The following BMS1 variants were observed in gnomAD, a reference collection of about 807,000 sequenced individuals.
The protein encoded by BMS1 is ribosome biogenesis protein BMS1 homolog.
Under a neutral mutation model 138.7 loss-of-function variants are expected in BMS1, and 53 were observed. The ratio of observed to expected loss-of-function variants is 0.38; its 90% confidence interval spans 0.31 to 0.48. The LOEUF is 0.48. BMS1 is among the 20% of genes least tolerant of loss of function. The pLI is 0.97. For synonymous variants in BMS1, 504 were observed against 539.9 expected (o/e 0.93, Z 0.92); for missense variants, 1,360 against 1,565.5 (o/e 0.87, Z 2.22).
At chr10:42,792,371 CATTTTCTAG>C in intron 6 of BMS1, 113 bp from the exon 7 acceptor site, 1 of 1,363,014 alleles carries the variant, frequency 7.3e-7, no homozygotes, top group Middle Eastern at 2.8e-4. Context: ...CTTATTTCTG[CATTTTCTAG>C]TTTTCTAAAT....
intron 13 of BMS1, among the ~76,000 whole-genome samples, chr10:42,808,745 T>C (rs1842084876): frequency 6.6e-6 from 1 of 152,240 alleles, no homozygotes; most frequent in African/African-American, 2.4e-5. Context: ...TGCAATTGTA[T>C]AATTTTTCTA....
At chr10:42,808,379 A>G in intron 13 of BMS1, among the ~76,000 whole-genome samples, 1 of 151,416 alleles carries the variant, frequency 6.6e-6, no homozygotes, top group East Asian at 1.9e-4. Flanking sequence ...ACTCACTGCA[A>G]GCTCTGTCCC....
At chr10:42,830,476 C>G (rs567754844) in intron 22 of BMS1, 54 bp downstream of exon 22, 5 of 1,549,132 alleles carry the variant, frequency 3.2e-6, no homozygotes, top group Non-Finnish European at 4.3e-6. Context: ...AAAGAACACT[C>G]TCAATAGCAC....
Position 42,820,662 on chromosome 10 carries a change from A to G in BMS1, c.2924A>G (p.His975Arg), listed in dbSNP as rs777782633. The change falls in exon 17 of 23, where the codon CAC becomes CGC. Residue 975 changes from histidine to arginine, a missense_variant. Around this residue, in one of 3 missense-constraint regions of BMS1, gnomAD observed 425 missense variants for 568.3 expected, o/e 0.75. Coordinates refer to ENST00000374518, the MANE Select transcript of BMS1 (RefSeq NM_014753.4). The stretch of plus-strand genomic sequence containing the variant: ...AGGCTTCTAAAGTATACCCCACAGC[A>G]CATGCATTGCGGAGCAGCCTTTTGG... Reference protein sequence around the residue: ...RQRLLKYTPQHMHCGAAFWGP... With the variant: ...RQRLLKYTPQRMHCGAAFWGP... 71 of 1,611,896 alleles carry G rather than the reference A, an allele frequency of 4.4e-5. No homozygotes were observed. The highest frequency in any genetic ancestry group is 5.3e-5 in the Non-Finnish European group (63 of 1,179,838).
intron 13 of BMS1, among the ~76,000 whole-genome samples, chr10:42,811,267 T>A (rs1842168151): frequency 6.6e-6 from 1 of 152,008 alleles, no homozygotes; most frequent in Non-Finnish European, 1.5e-5. Context: ...GTTCTCAAGC[T>A]CCCAACCTCA....
In BMS1 at chr10:42,790,460, G is replaced by A. The variant is rs2132302018; in HGVS notation, c.585G>A (p.Leu195=). ...ACTCCTTCAAGCATAATAAGCAACTGAAGAAGACAAAGAAGCGATTAAAAC... is the reference window on the plus strand; with the variant it reads ...ACTCCTTCAAGCATAATAAGCAACTAAAGAAGACAAAGAAGCGATTAAAAC... ...HLDSFKHNKQ[L]KKTKKRLKHR... is the part of the protein sequence containing the mutation. The change falls in exon 5 of 23, where the codon CTG becomes CTA. Residue 195 remains leucine (L), a synonymous_variant. Transcript: ENST00000374518. 6.2e-7 allele frequency: 1 copy of A among 1,613,968 alleles called. No individual in the cohort carries two copies. Among genetic ancestry groups the A allele is most frequent in the East Asian group, 2.2e-5 (1 of 44,886 alleles).
chr10:42,797,583 G>A, intron 11 of BMS1, 60 bp downstream of exon 11: 8 of 1,524,104 alleles, frequency 5.2e-6, no homozygotes, highest in East Asian at 2.3e-5. Context: ...TTAGATGAGG[G>A]AATTGGTTGG....
At chr10:42,805,485 A>G (rs1033415195) in intron 13 of BMS1, among the ~76,000 whole-genome samples, 5 of 152,146 alleles carry the variant, frequency 3.3e-5, no homozygotes, top group African/African-American at 9.7e-5. Flanking sequence ...TTGCATTTTC[A>G]TATAAATTTT....
chr10:42,816,868 G>A (rs1284324772), intron 14 of BMS1, among the ~76,000 whole-genome samples, 196 bp downstream of exon 14: 2 of 152,154 alleles, frequency 1.3e-5, no homozygotes, highest in African/African-American at 2.4e-5. Context: ...AGTTACTACC[G>A]TTTCTTGCCA....
intron 21 of BMS1, among the ~76,000 whole-genome samples, chr10:42,829,289 C>A (rs542515218): frequency 1.3e-5 from 2 of 151,742 alleles, no homozygotes; most frequent in African/African-American, 4.8e-5. Context: ...CTAGCCTGGG[C>A]GACAGAGCGA....
chr10:42,802,632 T>C lies in BMS1; in HGVS notation c.2329+414T>C, dbSNP rs189148689. On this transcript the variant is annotated intron_variant, in intron 13 of 22. Coordinates refer to ENST00000374518, the MANE Select transcript of BMS1 (RefSeq NM_014753.4). ...ACCTTTGTTAGCTTCTTCAACTGTTTCCTTCTAGTCATTTAAAAATTGTGT... is the reference window on the plus strand; with the variant it reads ...ACCTTTGTTAGCTTCTTCAACTGTTCCCTTCTAGTCATTTAAAAATTGTGT... 6.4e-4 allele frequency among the ~76,000 whole-genome samples: 97 copies of C among 152,188 alleles called. No individual in the cohort carries two copies. The Middle Eastern group carries it at 0.027, about 43-fold the overall frequency.
rs545418783 is a variant in BMS1, at chr10:42,834,423, T to G, written c.*3327T>G. The stretch of plus-strand genomic sequence containing the variant: ...AAAAGAGCATCGATTTAATTGCCCT[T>G]GGTACCGACTTCTAGTATCTAGTAT... On this transcript the variant is annotated 3_prime_UTR_variant, in exon 23 of 23. Coordinates refer to ENST00000374518, the MANE Select transcript of BMS1 (RefSeq NM_014753.4). The G allele has an allele frequency of 6.6e-6, 1 of 151,944 alleles. No individual in the cohort carries two copies. Among genetic ancestry groups the G allele is most frequent in the East Asian group, 1.9e-4 (1 of 5,164 alleles). The allele number at this position is 151,944 out of a possible 1,614,324, so 9.4% of individuals were successfully genotyped here. A position where few individuals can be genotyped will look rare whatever the true frequency, so the allele number is the denominator to read the frequency against.
chr10:42,806,059 A>G (rs1180514218), intron 13 of BMS1, among the ~76,000 whole-genome samples: 3 of 152,186 alleles, frequency 2.0e-5, no homozygotes, highest in Non-Finnish European at 4.4e-5. Flanking sequence ...GGGGAGGGGT[A>G]AACTTTGACT....
intron 4 of BMS1, among the ~76,000 whole-genome samples, chr10:42,788,758 G>A (rs1420585343): frequency 1.3e-5 from 2 of 152,178 alleles, no homozygotes; most frequent in East Asian, 1.9e-4. Flanking sequence ...AATGCAGGGT[G>A]CACACAATGT....
chr10:42,818,290 G>GT (rs1166306085), intron 15 of BMS1, among the ~76,000 whole-genome samples: 1 of 152,220 alleles, frequency 6.6e-6, no homozygotes, highest in Non-Finnish European at 1.5e-5. Flanking sequence ...TAACTCTGAA[G>GT]TTTTTGCTTC....
rs1295629181 is a variant in BMS1, at chr10:42,810,182, A to G, written c.2330-6417A>G. Among the ~76,000 whole-genome samples, 4 of 150,160 alleles carry G rather than the reference A, an allele frequency of 2.7e-5. No individual in the cohort carries two copies. In the East Asian group the frequency reaches 5.9e-4, roughly 22 times the overall value. ...GATCATGAATGAAAATGAAAATACAACATATGGAAATGTGTGTGTTTTTTT... is the reference window on the plus strand; with the variant it reads ...GATCATGAATGAAAATGAAAATACAGCATATGGAAATGTGTGTGTTTTTTT... On this transcript the variant is annotated intron_variant, in intron 13 of 22. Coordinates refer to ENST00000374518, the MANE Select transcript of BMS1 (RefSeq NM_014753.4).
In BMS1 at chr10:42,797,493, C is replaced by A; in HGVS notation, c.2059C>A (p.Pro687Thr). ...EAFLRQQQAA[P>T]NLRKLIYGTV... ...CTTTCTGAGGCAGCAGCAAGCAGCTCCAAACCTCCGAAAGCTTATTTATGG... is the reference window on the plus strand; with the variant it reads ...CTTTCTGAGGCAGCAGCAAGCAGCTACAAACCTCCGAAAGCTTATTTATGG... Residue 687 changes from proline (P) to threonine (T), a missense_variant, in exon 11 of 23, where the codon CCA becomes ACA. Coordinates refer to ENST00000374518, the MANE Select transcript of BMS1 (RefSeq NM_014753.4). 6.2e-7 allele frequency: 1 copy of A among 1,614,162 alleles called. No homozygotes were observed. The highest frequency in any genetic ancestry group is 8.5e-7 in the Non-Finnish European group (1 of 1,180,032).
rs200948384 is a variant in BMS1, at chr10:42,823,118, G to A, written c.3133G>A (p.Gly1045Arg). ...TGTTTTTATCTTGCTATACCTGTAG[G>A]GAATGTTTAATTCTGCCTTGGAAGT... ...KIFKNTSFIK[G>R]MFNSALEVAK... The change falls in exon 20 of 23, where the codon GGA becomes AGA. Residue 1045 changes from glycine to arginine, a missense_variant and splice_region_variant. This residue lies in a region of BMS1 where 425 missense variants were observed against 568.3 expected (regional missense o/e 0.75). Coordinates refer to ENST00000374518, the MANE Select transcript of BMS1 (RefSeq NM_014753.4). 1.1e-5 allele frequency: 17 copies of A among 1,578,392 alleles called. No homozygotes were observed. The highest frequency in any genetic ancestry group is 1.4e-5 in the African/African-American group (1 of 73,652).
chr10:42,797,075 G>C lies in BMS1; in HGVS notation c.1831G>C (p.Glu611Gln). Residue 611 changes from glutamate (E) to glutamine (Q), a missense_variant, in exon 10 of 23, where the codon GAG becomes CAG. By Grantham distance (29) the Glu-to-Gln change is conservative. Coordinates refer to ENST00000374518, the MANE Select transcript of BMS1 (RefSeq NM_014753.4). ...SAEEEDSENE[E>Q]AIRKKLSKPS... ...AGAGGAAGAAGACTCAGAAAATGAAGAGGCTATTAGAAAAAAGCTTTCAAA... is the reference window on the plus strand; with the variant it reads ...AGAGGAAGAAGACTCAGAAAATGAACAGGCTATTAGAAAAAAGCTTTCAAA... The C allele has an allele frequency of 6.2e-7, 1 of 1,614,192 alleles. No individual in the cohort carries two copies.
Sources: allele counts gnomAD v4.1 joint callset (sites outside exome capture counted in the v4.1 genomes callset), GRCh38; gene constraint gnomAD v4.1.1; regional missense constraint gnomAD v4.1.1; transcripts MANE v1.5; gene names NCBI Gene and HGNC (gene_info 2026-07-23, HGNC 2026-07-21).